SLC13A2: variants seen among roughly 807,000 people sequenced by gnomAD.
SLC13A2 encodes the protein Na(+)-coupled citrate transporter.
Under a neutral mutation model 58.5 loss-of-function variants are expected in SLC13A2, and 40 were observed. The observed-to-expected ratio is 0.68, with a 90% CI of 0.53 to 0.89. The LOEUF (loss-of-function observed/expected upper bound fraction) is 0.89. Ranked by LOEUF, SLC13A2 falls within the 40% of genes least tolerant of loss-of-function variation. The pLI is 0.00. For missense variants in SLC13A2, 694 were observed against 772.6 expected (o/e 0.90, Z 1.21); for synonymous variants, 341 against 331.6 (o/e 1.03, Z -0.31).
chr17:28,477,522 A>G (rs1555600325), intron 1 of SLC13A2, among the ~76,000 whole-genome samples: 1 of 152,092 alleles, frequency 6.6e-6, no homozygotes, highest in Non-Finnish European at 1.5e-5. Context: ...GAAGAAAGGA[A>G]GGAATGTGCA....
chr17:28,491,803 T>TTGC lies in SLC13A2; in HGVS notation c.838_840dup (p.Leu280dup). The TTGC allele has an allele frequency of 1.2e-6, 2 of 1,614,212 alleles. No individual in the cohort carries two copies. Among genetic ancestry groups the TTGC allele is most frequent in the Admixed American group, 3.3e-5 (2 of 60,028 alleles). On this transcript the variant is annotated inframe_insertion, in exon 6 of 12. Coordinates refer to ENST00000314669, the MANE Select transcript of SLC13A2 (RefSeq NM_003984.4). ...CTTCGCCTTCCCCACCATGGTCATCTTGCTGCTGCTGGCCTGGTTGTGGCT... is the reference window on the plus strand; with the variant it reads ...CTTCGCCTTCCCCACCATGGTCATCTTGCTGCTGCTGCTGGCCTGGTTGTGGCT...
Position 28,489,259 on chromosome 17 carries a change from T to C in SLC13A2, c.148T>C (p.Cys50Arg). ...YAIILMALFW[C>R]TEALPLAVTA... ...CATCATCCTCATGGCGCTCTTCTGGTGCACTGAGGCCCTGCCCCTGGCCGT... is the reference window on the plus strand; with the variant it reads ...CATCATCCTCATGGCGCTCTTCTGGCGCACTGAGGCCCTGCCCCTGGCCGT... The change falls in exon 2 of 12, where the codon TGC becomes CGC. Residue 50 changes from cysteine to arginine, a missense_variant. By Grantham distance (180) the Cys-to-Arg change is radical (BLOSUM62 -3). Coordinates refer to ENST00000314669, the MANE Select transcript of SLC13A2 (RefSeq NM_003984.4). 1 of 1,614,094 alleles carries C rather than the reference T, an allele frequency of 6.2e-7. No homozygotes were observed. The highest frequency in any genetic ancestry group is 1.1e-5 in the South Asian group (1 of 91,084).
intron 1 of SLC13A2, among the ~76,000 whole-genome samples, chr17:28,482,173 C>A (rs549105256): frequency 6.6e-6 from 1 of 152,120 alleles, no homozygotes; most frequent in East Asian, 1.9e-4. Flanking sequence ...GCACATGCCA[C>A]CATGCCCAGC....
chr17:28,490,978 C>T lies in SLC13A2; in HGVS notation c.574+72C>T, dbSNP rs2069007701. 12 of 1,379,132 alleles carry T rather than the reference C, an allele frequency of 8.7e-6. No individual in the cohort carries two copies. The South Asian group carries it at 9.9e-5, about 11-fold the overall frequency. 85.4% of individuals were successfully genotyped at this position (1,379,132 alleles called of 1,614,324 possible). A position where few individuals can be genotyped will look rare whatever the true frequency, so the allele number is the denominator to read the frequency against. On this transcript the variant is annotated intron_variant, in intron 4 of 11. Transcript: ENST00000314669. ...AGAGAGTCTGAGGGTCTGTCCGTTT[C>T]GAGGGCTGGTCATCTTGGAGCCTTT...
chr17:28,488,576 CAA>C (rs1274968170), intron 1 of SLC13A2, among the ~76,000 whole-genome samples: 2 of 152,186 alleles, frequency 1.3e-5, no homozygotes, highest in Non-Finnish European at 2.9e-5. Flanking sequence ...TTCTGGTACT[CAA>C]AGACTCACAA....
rs376190729 is a variant in SLC13A2 at position 28,497,199 on chromosome 17, C to T, written c.1709C>T (p.Ser570Phe). 2.0e-5 allele frequency: 33 copies of T among 1,614,088 alleles called. No homozygotes were observed. Among genetic ancestry groups the T allele is most frequent in the Non-Finnish European group, 2.7e-5 (32 of 1,180,038 alleles). The change falls in exon 12 of 12, where the codon TCC becomes TTC. Residue 570 changes from serine to phenylalanine, a missense_variant. By Grantham distance (155) the Ser-to-Phe change is radical (BLOSUM62 -2). Transcript: ENST00000314669. ...IPLFSLHSFP[S>F]WAQSNTTAQC... ...CTCTTCAGCCTGCACTCTTTCCCCTCCTGGGCACAGTCCAACACCACAGCC... is the reference window on the plus strand; with the variant it reads ...CTCTTCAGCCTGCACTCTTTCCCCTTCTGGGCACAGTCCAACACCACAGCC...
At chr17:28,487,972 T>C (rs1043702209) in intron 1 of SLC13A2, among the ~76,000 whole-genome samples, 6 of 152,260 alleles carry the variant, frequency 3.9e-5, no homozygotes, top group African/African-American at 1.2e-4. Flanking sequence ...CCCAATCCTT[T>C]ATCTGAGTTC....
chr17:28,476,255 C>G (rs757983307), intron 1 of SLC13A2, among the ~76,000 whole-genome samples: 3 of 152,104 alleles, frequency 2.0e-5, no homozygotes, highest in Admixed American at 2.0e-4. Flanking sequence ...GGTCATTTCC[C>G]ATGTGTCCCA....
chr17:28,490,223 G>A (rs2068976560), intron 2 of SLC13A2: 2 of 1,318,880 alleles, frequency 1.5e-6, no homozygotes, highest in Admixed American at 5.0e-5. Context: ...GCAGTGAGCT[G>A]TGATTGTGCC....
At chr17:28,495,535 G>A in intron 9 of SLC13A2, 120 bp from the exon 10 acceptor site, 1 of 1,021,910 alleles carries the variant, frequency 9.8e-7, no homozygotes, top group Non-Finnish European at 1.5e-6. Context: ...CTTTAGAGCT[G>A]TCTTTGACTC....
chr17:28,482,283 C>T (rs1294072326), intron 1 of SLC13A2, among the ~76,000 whole-genome samples: 1 of 152,072 alleles, frequency 6.6e-6, no homozygotes, highest in Non-Finnish European at 1.5e-5. Context: ...AACTCCTGGG[C>T]TCAAGAAATC....
At chr17:28,486,397 C>T (rs2068882688) in intron 1 of SLC13A2, among the ~76,000 whole-genome samples, 1 of 152,212 alleles carries the variant, frequency 6.6e-6, no homozygotes, top group South Asian at 2.1e-4. Context: ...CATTTATCTT[C>T]ATGGATTCTC....
intron 1 of SLC13A2, among the ~76,000 whole-genome samples, chr17:28,485,951 A>G (rs2068873154): frequency 6.6e-6 from 1 of 152,142 alleles, no homozygotes; most frequent in African/African-American, 2.4e-5. Context: ...CCTTGATCAC[A>G]TCATGAACTC....
At chr17:28,477,200 T>G (rs540081642) in intron 1 of SLC13A2, among the ~76,000 whole-genome samples, 1,475 of 144,718 alleles carry the variant, frequency 0.01, 41 homozygotes, top group African/African-American at 0.02. Context: ...TTTGTTTTTT[T>G]TTTTTTTTTT....
chr17:28,479,406 G>A (rs1372124363), intron 1 of SLC13A2, among the ~76,000 whole-genome samples: 1 of 152,138 alleles, frequency 6.6e-6, no homozygotes, highest in Non-Finnish European at 1.5e-5. Flanking sequence ...GTCAAGTTTA[G>A]AGAAGAGGGT....
Position 28,494,394 on chromosome 17 carries a change from A to G in SLC13A2, c.1190A>G (p.Asn397Ser), listed in dbSNP as rs142200484. ...KFPGLTQDPE[N>S]PGKLKAPLGL... ...TCCTTCTCTGCTTGGGAAGTAGAAA[A>G]CCCAGGGAAGCTGAAGGCCCCTCTT... The change falls in exon 9 of 12, where the codon AAC becomes AGC. Residue 397 changes from asparagine to serine, a missense_variant. Asn to Ser is a conservative substitution (Grantham distance 46). Transcript: ENST00000314669. This position sits in a 1 kb window ranked among gnomAD's most constrained non-coding sequence, Gnocchi z 4.0. The G allele has an allele frequency of 2.9e-4, 462 of 1,614,000 alleles. 2 individuals are homozygous for G. The highest frequency in any genetic ancestry group is 3.6e-5 in the Non-Finnish European group (43 of 1,179,974).
At chr17:28,478,439 G>A (rs559294040) in intron 1 of SLC13A2, among the ~76,000 whole-genome samples, 1 of 152,228 alleles carries the variant, frequency 6.6e-6, no homozygotes, top group Non-Finnish European at 1.5e-5. Flanking sequence ...CCACACAAAG[G>A]TTCAGCCAGA....
chr17:28,480,039 A>C (rs2068757301), intron 1 of SLC13A2, among the ~76,000 whole-genome samples: 1 of 151,840 alleles, frequency 6.6e-6, no homozygotes, highest in African/African-American at 2.4e-5. Context: ...CTGTAATCCC[A>C]GCTACTCGGG....
chr17:28,490,471 T>A lies in SLC13A2; in HGVS notation c.249T>A (p.Leu83=). The part of the protein sequence containing the change: ...VDASEVAVEY[L]KDSNLLFFGG... ...CCTGCCAGGTTGCCGTCGAGTATCTTAAGGACTCCAACCTCCTGTTCTTCG... is the reference window on the plus strand; with the variant it reads ...CCTGCCAGGTTGCCGTCGAGTATCTAAAGGACTCCAACCTCCTGTTCTTCG... The change falls in exon 3 of 12, where the codon CTT becomes CTA. Residue 83 remains leucine (L), a synonymous_variant. Transcript: ENST00000314669. 5 of 1,614,000 alleles carry A rather than the reference T, an allele frequency of 3.1e-6. No homozygotes were observed. The highest frequency in any genetic ancestry group is 4.2e-6 in the Non-Finnish European group (5 of 1,180,010).
Sources: allele counts gnomAD v4.1 joint callset (sites outside exome capture counted in the v4.1 genomes callset), GRCh38; gene constraint gnomAD v4.1.1; non-coding constraint Gnocchi (gnomAD v3.1); transcripts MANE v1.5; gene names NCBI Gene and HGNC (gene_info 2026-07-23, HGNC 2026-07-21).